POLR3A: variants seen among roughly 807,000 people sequenced by gnomAD.
The protein encoded by POLR3A is DNA-directed RNA polymerase III subunit RPC1.
A neutral mutation model predicts 152.8 loss-of-function variants in POLR3A; 112 were observed. The ratio of observed to expected loss-of-function variants is 0.73; its 90% CI spans 0.63 to 0.86. The LOEUF (loss-of-function observed/expected upper bound fraction) is 0.86, where lower values mean the gene tolerates loss of function less well. Ranked by LOEUF, POLR3A falls within the 40% of genes least tolerant of loss-of-function variation. The probability of loss-of-function intolerance (pLI) is 0.00; values close to 1 mark genes in which losing one functional copy is unlikely to be tolerated. For synonymous variants in POLR3A, 615 were observed against 652.1 expected (o/e 0.94, Z 0.87); for missense variants, 1,385 against 1,743.1 (o/e 0.79, Z 3.66).
Position 78,022,368 on chromosome 10 carries a change from A to G in POLR3A, c.662T>C (p.Leu221Ser). The stretch of plus-strand genomic sequence containing the variant: ...TCGTTTAAATAAATTCAGAACTACT[A>G]AGGGATTCAAGTTTTCCTATGGAAA... ...LGRAQENLNP[L>S]VVLNLFKRIP... Residue 221 changes from leucine (L) to serine (S), a missense_variant, in exon 6 of 31, where the codon TTA becomes TCA. Coordinates refer to ENST00000372371, the MANE Select transcript of POLR3A (RefSeq NM_007055.4). The G allele has an allele frequency of 6.2e-7, 1 of 1,613,850 alleles. No individual in the cohort carries two copies. Among genetic ancestry groups the G allele is most frequent in the Non-Finnish European group, 8.5e-7 (1 of 1,179,932 alleles).
Position 77,993,286 on chromosome 10 carries a change from A to G in POLR3A, c.2698T>C (p.Phe900Leu), listed in dbSNP as rs773449466. Reference protein sequence around the residue: ...VRSSTGDIIQFIYGGDGLDPA... With the variant: ...VRSSTGDIIQLIYGGDGLDPA... ...TCTAAGCCATCTCCTCCATAAATGA[A>G]CTGGATAATATCGCCAGTAGAGCTT... Residue 900 changes from phenylalanine to leucine, a missense_variant, in exon 20 of 31, where the codon TTC becomes CTC. By Grantham distance (22) the Phe-to-Leu change is conservative (BLOSUM62 0). Coordinates refer to ENST00000372371, the MANE Select transcript of POLR3A (RefSeq NM_007055.4). The G allele has an allele frequency of 6.2e-7, 1 of 1,612,704 alleles. No individual in the cohort carries two copies. The highest frequency in any genetic ancestry group is 1.1e-5 in the South Asian group (1 of 91,058).
At chr10:77,981,654 A>G in intron 28 of POLR3A, 95 bp from the exon 29 acceptor site, 1 of 1,448,050 alleles carries the variant, frequency 6.9e-7, no homozygotes, top group Non-Finnish European at 9.7e-7. Context: ...TTCAAAGCAA[A>G]CCCTGTGCCG....
intron 21 of POLR3A, among the ~76,000 whole-genome samples, chr10:77,990,121 C>A (rs12259266): frequency 0.01 from 1,580 of 152,150 alleles, 31 homozygotes; most frequent in African/African-American, 0.035. Flanking sequence ...CAAAGGAAAC[C>A]ATTTACTGAT....
At position 77,986,745 on chromosome 10, in the gene POLR3A, C is replaced by T. The variant is rs578113205; in HGVS notation, c.2902-586G>A. On this transcript the variant is annotated intron_variant, in intron 21 of 30. Coordinates refer to ENST00000372371, the MANE Select transcript of POLR3A (RefSeq NM_007055.4). The stretch of plus-strand genomic sequence containing the variant: ...ACAGGCCTAGGCCTACACTGTCTTC[C>T]CACACACAATTAGAAGTCTGTAAGG... Among the ~76,000 whole-genome samples the T allele has an allele frequency of 1.1e-4, 17 of 152,292 alleles. No individual in the cohort carries two copies. The East Asian group carries it at 3.1e-3, about 28-fold the overall frequency.
At chr10:78,017,499 G>T in intron 10 of POLR3A, 76 bp downstream of exon 10, 1 of 1,381,992 alleles carries the variant, frequency 7.2e-7, no homozygotes, top group Non-Finnish European at 1.0e-6. Context: ...TTTAATTTTA[G>T]AAGTCCACTG....
chr10:77,979,439 G>T (rs1259039234), intron 30 of POLR3A, among the ~76,000 whole-genome samples: 1 of 152,220 alleles, frequency 6.6e-6, no homozygotes, highest in East Asian at 1.9e-4. Flanking sequence ...AAAGGCTCGA[G>T]CAAAGCTCAG....
Position 78,013,762 on chromosome 10 carries a change from C to G in POLR3A, c.1460G>C (p.Arg487Thr), listed in dbSNP as rs1314003085. ...GGGTGTACAGACACACTCATTAAATCTGAAGGTCCGGTGGGGCTTGACCCT... is the reference window on the plus strand; with the variant it reads ...GGGTGTACAGACACACTCATTAAATGTGAAGGTCCGGTGGGGCTTGACCCT... ...LARVKPHRTFRFNECVCTPYN... is the reference protein window; with the variant it reads ...LARVKPHRTFTFNECVCTPYN... Residue 487 changes from arginine (R) to threonine (T), a missense_variant, in exon 11 of 31, where the codon AGA (arginine) becomes ACA (threonine). Physicochemically the swap from Arg to Thr is moderately conservative, Grantham distance 71. Around this residue, in one of 7 missense-constraint regions of POLR3A, gnomAD observed 493 missense variants for 647.5 expected, o/e 0.76. Coordinates refer to ENST00000372371, the MANE Select transcript of POLR3A (RefSeq NM_007055.4). 1.9e-6 allele frequency: 3 copies of G among 1,614,172 alleles called. No individual in the cohort carries two copies. Among genetic ancestry groups the G allele is most frequent in the Non-Finnish European group, 2.5e-6 (3 of 1,180,022 alleles).
At chr10:77,985,839 G>GA in intron 23 of POLR3A, 64 bp downstream of exon 23, 1 of 1,213,290 alleles carries the variant, frequency 8.2e-7, no homozygotes, top group Non-Finnish European at 1.2e-6. Context: ...TACACATGGG[G>GA]AAACAGAAGG....
Position 78,024,839 on chromosome 10 carries a change from C to T in POLR3A, c.490+132G>A. 2.3e-6 allele frequency: 3 copies of T among 1,332,008 alleles called. No individual in the cohort carries two copies. In the South Asian group the frequency reaches 3.6e-5, roughly 16 times the overall value. 82.5% of individuals were successfully genotyped at this position (1,332,008 alleles called of 1,614,324 possible). A position where few individuals can be genotyped will look rare whatever the true frequency, so the allele number is the denominator to read the frequency against. On this transcript the variant is annotated intron_variant, in intron 4 of 30. Coordinates refer to ENST00000372371, the MANE Select transcript of POLR3A (RefSeq NM_007055.4). ...AGAGGTCCGTTTCCCAATAGGACATCAGTTGTTGGGCTCTTAAGCCTAATT... is the reference window on the plus strand; with the variant it reads ...AGAGGTCCGTTTCCCAATAGGACATTAGTTGTTGGGCTCTTAAGCCTAATT...
chr10:77,982,901 T>C (rs1847162095), intron 26 of POLR3A, 84 bp from the exon 27 acceptor site: 4 of 1,347,194 alleles, frequency 3.0e-6, no homozygotes, highest in Non-Finnish European at 4.3e-6. Flanking sequence ...GAAGTCCTTT[T>C]AGTCAGGTTT....
chr10:77,992,218 TGGC>T (rs762466851), intron 20 of POLR3A, among the ~76,000 whole-genome samples: 9 of 152,104 alleles, frequency 5.9e-5, no homozygotes, highest in Non-Finnish European at 1.3e-4. Context: ...CCTCTTCTGT[TGGC>T]ATTTGATTAC....
At chr10:78,002,965 T>G (rs928316377) in intron 16 of POLR3A, among the ~76,000 whole-genome samples, 5 of 152,224 alleles carry the variant, frequency 3.3e-5, no homozygotes, top group African/African-American at 1.2e-4. Flanking sequence ...TACAAATATA[T>G]AAGATAATAT....
chr10:78,009,332 A>G (rs547976990), intron 14 of POLR3A, among the ~76,000 whole-genome samples: 2 of 152,288 alleles, frequency 1.3e-5, no homozygotes, highest in South Asian at 4.1e-4. Flanking sequence ...ATGTGTCTAC[A>G]TGATCTCTAC....
At chr10:78,012,500 G>A (rs886512195) in intron 11 of POLR3A, among the ~76,000 whole-genome samples, 1 of 152,076 alleles carries the variant, frequency 6.6e-6, no homozygotes, top group African/African-American at 2.4e-5. Context: ...CATCAGAAAT[G>A]GTAATAAGTG....
chr10:78,011,966 T>C (rs1589314338), intron 11 of POLR3A, among the ~76,000 whole-genome samples: 2 of 152,112 alleles, frequency 1.3e-5, no homozygotes, highest in East Asian at 1.9e-4. Flanking sequence ...AATGGCAGAG[T>C]TGACAGCAAA....
chr10:78,015,747 C>A (rs749018749), intron 10 of POLR3A, among the ~76,000 whole-genome samples: 9 of 152,124 alleles, frequency 5.9e-5, no homozygotes, highest in Admixed American at 1.3e-4. Context: ...GCCTTGAACT[C>A]CCAGGCCCAC....
At chr10:78,004,971 T>C (rs1359881869) in intron 15 of POLR3A, 83 bp from the exon 16 acceptor site, 5 of 1,031,324 alleles carry the variant, frequency 4.8e-6, no homozygotes, top group African/African-American at 3.1e-5. Flanking sequence ...CTGCTAGATA[T>C]AGTTTGTACT....
intron 15 of POLR3A, among the ~76,000 whole-genome samples, chr10:78,005,280 T>C (rs1847400297): frequency 2.6e-5 from 4 of 152,222 alleles, no homozygotes; most frequent in Admixed American, 2.6e-4. Flanking sequence ...GAGGCTCGCT[T>C]GATCCCAGAT....
intron 4 of POLR3A, 119 bp from the exon 5 acceptor site, chr10:78,024,822 G>A: frequency 9.1e-6 from 12 of 1,321,446 alleles, no homozygotes; most frequent in East Asian, 2.3e-5. Flanking sequence ...TGAGAGGTCC[G>A]TTTCCCAATA....
Sources: allele counts gnomAD v4.1 joint callset (sites outside exome capture counted in the v4.1 genomes callset), GRCh38; gene constraint gnomAD v4.1.1; regional missense constraint gnomAD v4.1.1; transcripts MANE v1.5; gene names NCBI Gene and HGNC (gene_info 2026-07-23, HGNC 2026-07-21).